PECR: variants seen among roughly 807,000 people sequenced by gnomAD.
PECR encodes 2,4-dienoyl-CoA reductase-related protein.
Under a neutral mutation model 35.3 loss-of-function variants are expected in PECR, and 30 were observed. The observed-to-expected ratio is 0.85, with a 90% CI of 0.64 to 1.15. The LOEUF is 1.15. Ranked by LOEUF, PECR falls within the 50% of genes most tolerant of loss-of-function variation. The pLI, the probability that PECR is intolerant of heterozygous loss-of-function variation, is 0.00. For missense variants in PECR, 392 were observed against 370.8 expected, an observed-to-expected ratio of 1.06 and a Z score of -0.47; for synonymous variants, 148 against 138.9, an observed-to-expected ratio of 1.07 and a Z score of -0.46.
At chr2:216,077,784 G>T (rs1459935415) in intron 1 of PECR, among the ~76,000 whole-genome samples, 1 of 146,140 alleles carries the variant, frequency 6.8e-6, no homozygotes, top group African/African-American at 2.5e-5. Context: ...TCCAGCCTGG[G>T]CTACAGAGCA....
At chr2:216,070,794 T>A (rs756341416) in intron 1 of PECR, among the ~76,000 whole-genome samples, 2 of 152,174 alleles carry the variant, frequency 1.3e-5, no homozygotes, top group East Asian at 3.9e-4. Context: ...AGGTTCACAT[T>A]ATTGCTAACA....
At chr2:216,036,990 G>A (rs548843585), downstream of PECR, among the ~76,000 whole-genome samples, 22 of 152,052 alleles carry the variant, frequency 1.4e-4, no homozygotes, top group Admixed American at 5.9e-4. Context: ...TATAGCACTC[G>A]TGTTCTCTCT....
At chr2:216,058,778 T>C in intron 4 of PECR, 117 bp downstream of exon 4, 1 of 680,366 alleles carries the variant, frequency 1.5e-6, no homozygotes, top group East Asian at 2.6e-5. Flanking sequence ...ACTGTTAGAA[T>C]CACAGCTCAT....
chr2:216,076,851 C>T (rs367864129), intron 1 of PECR, among the ~76,000 whole-genome samples: 38 of 151,824 alleles, frequency 2.5e-4, no homozygotes, highest in African/African-American at 9.2e-4. Context: ...GAAATGCATA[C>T]CATATTATTG....
intron 6 of PECR, among the ~76,000 whole-genome samples, chr2:216,044,434 T>C (rs1349980164): frequency 6.6e-6 from 1 of 152,340 alleles, no homozygotes; most frequent in Non-Finnish European, 1.5e-5. Flanking sequence ...CCTGAAATAG[T>C]CAATGTGTCT....
intron 1 of PECR, among the ~76,000 whole-genome samples, chr2:216,067,275 G>A (rs1574700754): frequency 2.0e-5 from 3 of 152,250 alleles, no homozygotes; most frequent in Admixed American, 1.3e-4. Flanking sequence ...AGTACCAATC[G>A]ATGCTTGGGA....
chr2:216,058,954 C>T lies in PECR; in HGVS notation c.447G>A (p.Glu149=), dbSNP rs1194524685. The change falls in exon 4 of 8, where the codon GAG becomes GAA. Residue 149 remains glutamate, a synonymous_variant. Coordinates refer to ENST00000265322, the MANE Select transcript of PECR (RefSeq NM_018441.6). ...CKAVYSSWMK[E]HGGSIVNIIV... ...TGATATTGACGATAGATCCTCCATG[C>T]TCTTTCATCCAGGAGCTGTAAACTG... 5 of 1,609,386 alleles carry T rather than the reference C, an allele frequency of 3.1e-6. No individual in the cohort carries two copies. In the East Asian group the frequency reaches 8.9e-5, roughly 29 times the overall value.
At chr2:216,079,918 T>G (rs974667042) in intron 1 of PECR, among the ~76,000 whole-genome samples, 4 of 141,066 alleles carry the variant, frequency 2.8e-5, no homozygotes, top group Non-Finnish European at 6.2e-5. Context: ...GAGGCGGAGG[T>G]TGCAGTGAGC....
intron 7 of PECR, among the ~76,000 whole-genome samples, chr2:216,030,028 T>C (rs1694656307): frequency 6.6e-6 from 1 of 152,210 alleles, no homozygotes; most frequent in Non-Finnish European, 1.5e-5. Context: ...CATCTTTGTG[T>C]TCACATTCAT....
chr2:216,042,045 G>A (rs908505731), intron 7 of PECR, among the ~76,000 whole-genome samples: 1 of 152,142 alleles, frequency 6.6e-6, no homozygotes, highest in Non-Finnish European at 1.5e-5. Context: ...ACCCAAAGAG[G>A]GGGTCGTGGG....
intron 6 of PECR, among the ~76,000 whole-genome samples, chr2:216,045,909 G>A (rs1449238767): frequency 6.6e-6 from 1 of 152,150 alleles, no homozygotes; most frequent in African/African-American, 2.4e-5. Context: ...CAGACGCGGT[G>A]GCTCACGCCT....
chr2:216,046,341 C>T (rs1369899375), intron 6 of PECR, among the ~76,000 whole-genome samples: 1 of 117,062 alleles, frequency 8.5e-6, no homozygotes, highest in African/African-American at 3.5e-5. Context: ...GAGAAGGCGT[C>T]TCACTGTCAC....
At chr2:216,033,786 G>A (rs1328972647), downstream of PECR, 1 of 152,364 alleles carries the variant, frequency 6.6e-6, no homozygotes, top group Non-Finnish European at 1.5e-5. Context: ...CAGAACGCAG[G>A]ACTGCCTCTC....
At chr2:216,068,386 C>G (rs953878754) in intron 1 of PECR, among the ~76,000 whole-genome samples, 1 of 151,918 alleles carries the variant, frequency 6.6e-6, no homozygotes, top group East Asian at 1.9e-4. Flanking sequence ...ACAATGCAAG[C>G]CAGAAGACAC....
At chr2:216,077,976 C>T (rs1464320637) in intron 1 of PECR, among the ~76,000 whole-genome samples, 2 of 149,864 alleles carry the variant, frequency 1.3e-5, no homozygotes, top group Non-Finnish European at 3.0e-5. Flanking sequence ...TGGTTACCAT[C>T]TGGCATAGTA....
rs1423131032 is a variant in PECR at position 216,062,236 on chromosome 2, G to C, written c.424+3076C>G. Among the ~76,000 whole-genome samples, 3 of 152,150 alleles carry C rather than the reference G, an allele frequency of 2.0e-5. No individual in the cohort carries two copies. The East Asian group carries it at 5.8e-4, about 29-fold the overall frequency. ...AATGTTTGTATTTTTAGTGGAGACA[G>C]GGTTTCCCCATGTTGGCCAGGCTGG... On this transcript the variant is annotated intron_variant, in intron 3 of 7. Coordinates refer to ENST00000265322, the MANE Select transcript of PECR (RefSeq NM_018441.6).
chr2:216,040,618 C>T (rs972545617), intron 7 of PECR, among the ~76,000 whole-genome samples: 1 of 152,158 alleles, frequency 6.6e-6, no homozygotes, highest in Non-Finnish European at 1.5e-5. Context: ...CCTGTAATCC[C>T]AGCACTTTGG....
chr2:216,074,429 CAAGA>C (rs1695645134), intron 1 of PECR, among the ~76,000 whole-genome samples: 1 of 138,180 alleles, frequency 7.2e-6, no homozygotes, highest in Non-Finnish European at 1.5e-5. Context: ...GAGACTGTGT[CAAGA>C]AAGAAAGAAA....
chr2:216,073,804 A>G (rs1695632832), intron 1 of PECR, among the ~76,000 whole-genome samples: 1 of 152,198 alleles, frequency 6.6e-6, no homozygotes, highest in African/African-American at 2.4e-5. Context: ...GCTATTGACC[A>G]TATAAACCAT....
Sources: allele counts gnomAD v4.1 joint callset (sites outside exome capture counted in the v4.1 genomes callset), GRCh38; gene constraint gnomAD v4.1.1; transcripts MANE v1.5; gene names NCBI Gene and HGNC (gene_info 2026-07-23, HGNC 2026-07-21).